The following DSCAM variants were observed in gnomAD, a reference collection of about 807,000 sequenced individuals.
DSCAM encodes the protein DS cell adhesion molecule.
A neutral mutation model predicts 217.7 loss-of-function variants in DSCAM; 47 were observed. That is an observed-to-expected ratio of 0.22 (90% CI 0.17 to 0.28). The LOEUF is 0.28. DSCAM is among the 10% of genes least tolerant of loss of function. DSCAM has a pLI of 1.00. For missense variants in DSCAM, 2,080 were observed against 2,618.3 expected, an observed-to-expected ratio of 0.79 and a Z score of 4.49; for synonymous variants, 1,056 against 1,015.3, an observed-to-expected ratio of 1.04 and a Z score of -0.76.
At chr21:40,839,498 G>A (rs760694219) in intron 1 of DSCAM, among the ~76,000 whole-genome samples, 1 of 152,120 alleles carries the variant, frequency 6.6e-6, no homozygotes, top group Non-Finnish European at 1.5e-5. Flanking sequence ...TACTCAAGCT[G>A]TTTCCAGATA....
At chr21:40,467,930 CAAAAAAAAAA>C (rs56379350) in intron 3 of DSCAM, among the ~76,000 whole-genome samples, 1 of 84,426 alleles carries the variant, frequency 1.2e-5, no homozygotes, top group Non-Finnish European at 2.3e-5. Context: ...AAAGATTAAC[CAAAAAAAAAA>C]AAAAAAAAAA....
At chr21:40,225,393 A>G (rs2091323144) in intron 11 of DSCAM, among the ~76,000 whole-genome samples, 1 of 152,158 alleles carries the variant, frequency 6.6e-6, no homozygotes, top group Non-Finnish European at 1.5e-5. Context: ...GATCTCAGGC[A>G]CAGCCTCTCA....
At chr21:40,437,864 A>G (rs534011713) in intron 3 of DSCAM, among the ~76,000 whole-genome samples, 2 of 152,266 alleles carry the variant, frequency 1.3e-5, no homozygotes, top group Admixed American at 1.3e-4. Flanking sequence ...AAAACAAAAG[A>G]AAAAAAGAAG....
rs552266952 is a variant in DSCAM at position 40,782,545 on chromosome 21, C to T, written c.43+64074G>A. Among the ~76,000 whole-genome samples, 49 of 152,094 alleles carry T rather than the reference C, an allele frequency of 3.2e-4. 1 individual carries two copies. The South Asian group carries it at 3.5e-3, about 11-fold the overall frequency. ...AAGTTTGAGACTAGTCTGGGCAATGCGGTGAAGTCCCATCTCTACAAAGAA... is the reference window on the plus strand; with the variant it reads ...AAGTTTGAGACTAGTCTGGGCAATGTGGTGAAGTCCCATCTCTACAAAGAA... On this transcript the variant is annotated intron_variant, in intron 1 of 32. Coordinates refer to ENST00000400454, the MANE Select transcript of DSCAM (RefSeq NM_001389.5).
At position 40,120,294 on chromosome 21, in the gene DSCAM, T is replaced by C. The variant is rs552780704; in HGVS notation, c.3696+3901A>G. On this transcript the variant is annotated intron_variant, in intron 20 of 32. Transcript: ENST00000400454. ...TATTTTATGCCTTCTGATTTTTAGT[T>C]TTCATTAATGAGAAGTCTGTGCTTC... Among the ~76,000 whole-genome samples the C allele has an allele frequency of 5.3e-5, 8 of 152,356 alleles. No individual in the cohort carries two copies. The East Asian group carries it at 1.5e-3, about 29-fold the overall frequency.
At chr21:40,183,934 G>A (rs75166549) in intron 14 of DSCAM, among the ~76,000 whole-genome samples, 40 of 152,278 alleles carry the variant, frequency 2.6e-4, no homozygotes, top group African/African-American at 4.3e-4. Flanking sequence ...TATGAGTCTC[G>A]TATACATGTC....
intron 1 of DSCAM, among the ~76,000 whole-genome samples, chr21:40,752,823 G>GGA (rs1014868128): frequency 1.3e-5 from 2 of 152,018 alleles, no homozygotes; most frequent in African/African-American, 4.8e-5. Context: ...GGAGAGAAGG[G>GGA]GAGAAGAGGG....
intron 2 of DSCAM, among the ~76,000 whole-genome samples, chr21:40,701,401 A>G (rs888217204): frequency 5.3e-5 from 8 of 151,942 alleles, no homozygotes; most frequent in Non-Finnish European, 1.0e-4. Context: ...GATTTCCTCT[A>G]TTGTTTCTTT....
chr21:40,175,946 T>G (rs189423137), intron 15 of DSCAM, among the ~76,000 whole-genome samples: 1 of 151,828 alleles, frequency 6.6e-6, no homozygotes, highest in African/African-American at 2.4e-5. Flanking sequence ...AGGGACAGAA[T>G]TGTAAGCACA....
intron 32 of DSCAM, among the ~76,000 whole-genome samples, chr21:40,028,703 T>C (rs1051011565): frequency 6.6e-5 from 10 of 152,158 alleles, no homozygotes; most frequent in Non-Finnish European, 1.0e-4. Flanking sequence ...TCGCTCTGCT[T>C]CGGCTCACGC....
chr21:40,375,477 G>A (rs2074940989), intron 3 of DSCAM, among the ~76,000 whole-genome samples: 1 of 152,202 alleles, frequency 6.6e-6, no homozygotes, highest in Non-Finnish European at 1.5e-5. Context: ...GAGGCTCTGA[G>A]CCCAGATCTC....
At chr21:40,319,932 C>T (rs1202187556) in intron 8 of DSCAM, among the ~76,000 whole-genome samples, 1 of 152,114 alleles carries the variant, frequency 6.6e-6, no homozygotes, top group East Asian at 1.9e-4. Context: ...CATTATCTTC[C>T]ACAAACTAAT....
chr21:40,127,722 C>T lies in DSCAM; in HGVS notation c.3563-3394G>A, dbSNP rs752940286. On this transcript the variant is annotated intron_variant, in intron 19 of 32. Transcript: ENST00000400454. ...TCTCTTGCCCCATCTCAGGAAATGG[C>T]CCCATCATCTTCTCAGTTGCAAGAA... Among the ~76,000 whole-genome samples, 29 of 152,274 alleles carry T rather than the reference C, an allele frequency of 1.9e-4. 1 individual carries two copies. Among genetic ancestry groups the T allele is most frequent in the Admixed American group, 1.6e-3 (24 of 15,302 alleles).
chr21:40,597,600 G>A (rs2077031547), intron 3 of DSCAM, among the ~76,000 whole-genome samples: 1 of 146,510 alleles, frequency 6.8e-6, no homozygotes, highest in African/African-American at 2.6e-5. Flanking sequence ...TCCACCTCCT[G>A]GGTTCTAGCT....
At chr21:40,313,238 C>A (rs1288779393) in intron 8 of DSCAM, among the ~76,000 whole-genome samples, 4 of 151,980 alleles carry the variant, frequency 2.6e-5, no homozygotes, top group Non-Finnish European at 4.4e-5. Context: ...ATAACTACAT[C>A]TTTACTTTGC....
chr21:40,180,895 G>C (rs1382040579), intron 14 of DSCAM, among the ~76,000 whole-genome samples: 1 of 151,896 alleles, frequency 6.6e-6, no homozygotes, highest in Non-Finnish European at 1.5e-5. Context: ...TGGTCACTGG[G>C]CACCTCCACA....
At chr21:40,467,888 C>T (rs1186502337) in intron 3 of DSCAM, among the ~76,000 whole-genome samples, 6 of 148,274 alleles carry the variant, frequency 4.0e-5, no homozygotes. Flanking sequence ...GGCAAGCTTG[C>T]CTCCCATTTT....
chr21:40,029,089 A>C (rs867615298), intron 32 of DSCAM, among the ~76,000 whole-genome samples: 1 of 152,188 alleles, frequency 6.6e-6, no homozygotes, highest in African/African-American at 2.4e-5. Context: ...AAAATTCTCT[A>C]TTCTTTTGAG....
At chr21:40,037,823 A>G (rs1313098075) in intron 32 of DSCAM, among the ~76,000 whole-genome samples, 2 of 141,130 alleles carry the variant, frequency 1.4e-5, no homozygotes, top group East Asian at 2.0e-4. Context: ...ACACAGATAT[A>G]GAACAATGGA....
Sources: gnomAD v4.1 joint callset for allele counts (sites outside exome capture counted in the v4.1 genomes callset) on GRCh38, gnomAD v4.1.1 for gene constraint, MANE v1.5 for transcripts, NCBI Gene and HGNC (gene_info 2026-07-23, HGNC 2026-07-21) for gene names.